ZNF148: variants seen among roughly 807,000 people sequenced by gnomAD.
ZNF148 encodes zinc finger protein 148.
In ZNF148, 7 loss-of-function variants were observed where a neutral mutation model predicts 67.7. The ratio of observed to expected loss-of-function variants is 0.10; its 90% CI spans 0.06 to 0.19. ZNF148 has a LOEUF of 0.19. ZNF148 is among the 10% of genes least tolerant of loss of function. The pLI is 1.00. For synonymous variants in ZNF148, 333 were observed against 330.7 expected (o/e 1.01, Z -0.08); for missense variants, 583 against 947.1 (o/e 0.62, Z 5.05).
At chr3:125,241,120 T>C (rs1250202378) in intron 7 of ZNF148, among the ~76,000 whole-genome samples, 3 of 152,090 alleles carry the variant, frequency 2.0e-5, no homozygotes, top group Non-Finnish European at 4.4e-5. Flanking sequence ...TAGATATTTT[T>C]AAAATTTAAG....
In ZNF148 at chr3:125,267,805, A is replaced by T. The variant is rs553807443; in HGVS notation, c.667+9921T>A. Among the ~76,000 whole-genome samples the T allele has an allele frequency of 5.3e-5, 8 of 152,342 alleles. No homozygotes were observed. In the East Asian group the frequency reaches 1.5e-3, roughly 29 times the overall value. ...CTCAAATTATCTCTCTTTGCTGACC[A>T]TATGATTCAGTATCTAGAAAGCCCT... is the stretch of plus-strand genomic sequence containing the variant. On this transcript the variant is annotated intron_variant, in intron 7 of 8. Transcript: ENST00000360647.
intron 4 of ZNF148, among the ~76,000 whole-genome samples, chr3:125,304,385 A>G (rs1312009751): frequency 2.0e-5 from 3 of 152,118 alleles, no homozygotes; most frequent in African/African-American, 4.8e-5. Flanking sequence ...GACCAGTGCA[A>G]TGTATCTAAG....
rs79974825 is a variant in ZNF148 at position 125,312,910 on chromosome 3, T to C, written c.333+398A>G. 1.3e-3 allele frequency among the ~76,000 whole-genome samples: 192 copies of C among 152,278 alleles called. 1 individual carries two copies. The highest frequency in any genetic ancestry group is 2.0e-3 in the Non-Finnish European group (137 of 68,024). ...ACAAAGAGAACAGAGAATAGGAGCA[T>C]ATTAGAAAAATTTAAGAAGGCAAGA... On this transcript the variant is annotated intron_variant, in intron 4 of 8. Transcript: ENST00000360647.
Position 125,331,378 on chromosome 3 carries a change from A to G in ZNF148, c.-233-140T>C, listed in dbSNP as rs887370177. 7 of 394,530 alleles carry G rather than the reference A, an allele frequency of 1.8e-5. No individual in the cohort carries two copies. In the South Asian group the frequency reaches 8.5e-4, roughly 48 times the overall value. 24.4% of individuals were successfully genotyped at this position (394,530 alleles called of 1,614,324 possible). On this transcript the variant is annotated intron_variant, in intron 1 of 8. Coordinates refer to ENST00000360647, the MANE Select transcript of ZNF148 (RefSeq NM_021964.3). ...TCCATGGTAGATACTGTTAGAGTAA[A>G]TAAAATTAGTAACAACTAACACTTA...
chr3:125,329,902 TA>T (rs1165466087), intron 2 of ZNF148, among the ~76,000 whole-genome samples: 1 of 152,104 alleles, frequency 6.6e-6, no homozygotes, highest in Non-Finnish European at 1.5e-5. Flanking sequence ...AAAAAATGTG[TA>T]AATATAAGCA....
chr3:125,346,579 G>A (rs185416398), intron 1 of ZNF148, among the ~76,000 whole-genome samples: 2 of 152,266 alleles, frequency 1.3e-5, no homozygotes, highest in East Asian at 3.9e-4. Flanking sequence ...AAGATGATTG[G>A]ATCACACGAG....
intron 4 of ZNF148, among the ~76,000 whole-genome samples, chr3:125,302,937 A>G (rs1056157756): frequency 5.3e-5 from 8 of 152,246 alleles, no homozygotes; most frequent in Non-Finnish European, 7.3e-5. Flanking sequence ...TTTATTTTTA[A>G]TAACCAAAAC....
At position 125,228,981 on chromosome 3, in the gene ZNF148, G is replaced by C. The variant is rs1342061931; in HGVS notation, c.*3360C>G. ...AAGTTTAAGTGAAAAAAGGAAACAC[G>C]GTTTTTATTTGCAGAATATAGCAAA... On this transcript the variant is annotated 3_prime_UTR_variant, in exon 9 of 9. Transcript: ENST00000360647. The C allele has an allele frequency of 6.6e-6, 1 of 152,396 alleles. No homozygotes were observed. Among genetic ancestry groups the C allele is most frequent in the Admixed American group, 6.6e-5 (1 of 15,252 alleles). 9.4% of individuals were successfully genotyped at this position (152,396 alleles called of 1,614,324 possible).
chr3:125,370,955 TTCCTCA>T (rs1396545138), intron 1 of ZNF148, among the ~76,000 whole-genome samples: 1 of 152,184 alleles, frequency 6.6e-6, no homozygotes, highest in African/African-American at 2.4e-5. Flanking sequence ...TCAAACCCTG[TTCCTCA>T]TCCTCATCCT....
chr3:125,352,795 C>G (rs982773766), intron 1 of ZNF148, among the ~76,000 whole-genome samples: 1 of 151,634 alleles, frequency 6.6e-6, no homozygotes, highest in African/African-American at 2.4e-5. Context: ...GCAACAAAAC[C>G]AGAAGAGCTA....
At chr3:125,326,784 A>T (rs1475647726) in intron 2 of ZNF148, among the ~76,000 whole-genome samples, 1 of 147,526 alleles carries the variant, frequency 6.8e-6, no homozygotes, top group African/African-American at 2.5e-5. Context: ...CTTTATATAC[A>T]TACATCAAGA....
intron 4 of ZNF148, among the ~76,000 whole-genome samples, chr3:125,301,416 G>C (rs952275689): frequency 6.6e-6 from 1 of 152,174 alleles, no homozygotes; most frequent in African/African-American, 2.4e-5. Context: ...GAGTGACTTA[G>C]AGAGCCAAAA....
intron 7 of ZNF148, among the ~76,000 whole-genome samples, chr3:125,255,150 A>T (rs1286045597): frequency 6.6e-6 from 1 of 151,418 alleles, no homozygotes; most frequent in Non-Finnish European, 1.5e-5. Context: ...AAATATTTTA[A>T]GCCCCACAAT....
chr3:125,364,462 A>G (rs866261275), intron 1 of ZNF148, among the ~76,000 whole-genome samples: 6 of 152,196 alleles, frequency 3.9e-5, no homozygotes, highest in Non-Finnish European at 8.8e-5. Context: ...AGATAAATAC[A>G]CTGTGGTATA....
intron 1 of ZNF148, among the ~76,000 whole-genome samples, chr3:125,353,969 GC>G (rs2107764850): frequency 6.6e-6 from 1 of 152,012 alleles, no homozygotes; most frequent in African/African-American, 2.4e-5. Flanking sequence ...GATGACATAA[GC>G]TTAGCCATTA....
At position 125,246,981 on chromosome 3, in the gene ZNF148, T is replaced by C. The variant is rs1014864366; in HGVS notation, c.668-12652A>G. On this transcript the variant is annotated intron_variant, in intron 7 of 8. Transcript: ENST00000360647. ...ATACTATGCAGGAAATTACATCCTATAGGAAATCATCTGAGACTAAATTAC... is the reference window on the plus strand; with the variant it reads ...ATACTATGCAGGAAATTACATCCTACAGGAAATCATCTGAGACTAAATTAC... Among the ~76,000 whole-genome samples the C allele has an allele frequency of 1.3e-3, 191 of 152,250 alleles. 4 individuals carry two copies. The highest frequency in any genetic ancestry group is 0.012 in the Admixed American group (178 of 15,294).
intron 2 of ZNF148, among the ~76,000 whole-genome samples, chr3:125,328,164 A>T (rs1941110407): frequency 2.6e-5 from 4 of 152,152 alleles, no homozygotes; most frequent in Admixed American, 2.6e-4. Context: ...AGCAAAAGTC[A>T]AAGTATAAGT....
chr3:125,371,379 G>A (rs1359494347), intron 1 of ZNF148, among the ~76,000 whole-genome samples: 3 of 138,840 alleles, frequency 2.2e-5, no homozygotes, highest in East Asian at 2.3e-4. Context: ...AAAAGGGGGG[G>A]GGGGGGGCAG....
At chr3:125,322,239 G>A (rs1250751668) in intron 3 of ZNF148, among the ~76,000 whole-genome samples, 3 of 151,776 alleles carry the variant, frequency 2.0e-5, no homozygotes, top group Middle Eastern at 3.2e-3. Context: ...TGTGAGCCAG[G>A]ATGGTCTCGA....
Sources: gnomAD v4.1 joint callset for allele counts (sites outside exome capture counted in the v4.1 genomes callset) on GRCh38, gnomAD v4.1.1 for gene constraint, MANE v1.5 for transcripts, NCBI Gene and HGNC (gene_info 2026-07-23, HGNC 2026-07-21) for gene names.